The following GLCE variants were observed in gnomAD, a reference collection of about 807,000 sequenced individuals.
The protein encoded by GLCE is glucuronic acid epimerase.
In GLCE, 19 loss-of-function variants were observed where a neutral mutation model predicts 47.9. The ratio of observed to expected loss-of-function variants is 0.40; its 90% CI spans 0.28 to 0.58. The LOEUF is 0.58. Ranked by LOEUF, GLCE falls within the 20% of genes least tolerant of loss-of-function variation. The probability of loss-of-function intolerance (pLI) is 0.48; values close to 1 mark genes in which losing one functional copy is unlikely to be tolerated. For missense variants in GLCE, 556 were observed against 743.3 expected (o/e 0.75, Z 2.93); for synonymous variants, 245 against 263.4 (o/e 0.93, Z 0.68).
At chr15:69,181,990 C>A (rs535171744) in intron 1 of GLCE, among the ~76,000 whole-genome samples, 1 of 151,252 alleles carries the variant, frequency 6.6e-6, no homozygotes, top group Admixed American at 6.6e-5. Context: ...TGGGCACAGA[C>A]GTAGTTAGGT....
intron 2 of GLCE, among the ~76,000 whole-genome samples, chr15:69,233,092 C>T (rs550956215): frequency 9.9e-5 from 15 of 152,162 alleles, no homozygotes; most frequent in Non-Finnish European, 4.4e-5. Context: ...GATAGTTTCT[C>T]ATTTTCCCAG....
intron 3 of GLCE, among the ~76,000 whole-genome samples, chr15:69,259,772 A>G (rs1245083303): frequency 3.3e-5 from 5 of 152,210 alleles, no homozygotes; most frequent in African/African-American, 9.7e-5. Flanking sequence ...ATTGATAATA[A>G]TTCTATTTGA....
chr15:69,237,291 A>G (rs1047549294), intron 2 of GLCE, among the ~76,000 whole-genome samples: 2 of 152,142 alleles, frequency 1.3e-5, no homozygotes, highest in African/African-American at 4.8e-5. Flanking sequence ...CCTAATAATA[A>G]CTCATTTAAA....
intron 1 of GLCE, among the ~76,000 whole-genome samples, chr15:69,176,535 G>GT (rs1230954900): frequency 6.6e-5 from 10 of 151,360 alleles, no homozygotes; most frequent in South Asian, 2.1e-4. Context: ...GCCCATTTTT[G>GT]TTTTTTTTCC....
At chr15:69,208,909 G>A (rs531636660) in intron 1 of GLCE, among the ~76,000 whole-genome samples, 12 of 151,998 alleles carry the variant, frequency 7.9e-5, no homozygotes, top group African/African-American at 2.9e-4. Context: ...TAAATGTGAG[G>A]GTTCCAAATT....
chr15:69,268,896 C>G lies in GLCE; in HGVS notation c.1506C>G (p.Thr502=). The G allele has an allele frequency of 6.2e-7, 1 of 1,613,942 alleles. No homozygotes were observed. ...NKHDWYEEYP[T]TPSSFVLNGF... ...ATGACTGGTATGAAGAATATCCAAC[C>G]ACACCTAGCTCTTTTGTTTTAAATG... Residue 502 remains threonine (T), a synonymous_variant, in exon 5 of 5, where the codon ACC becomes ACG. Coordinates refer to ENST00000261858, the MANE Select transcript of GLCE (RefSeq NM_015554.3).
At position 69,160,653 on chromosome 15, in the gene GLCE, C is replaced by G. The variant is rs372391353; in HGVS notation, c.-209C>G. On this transcript the variant is annotated 5_prime_UTR_variant, in exon 1 of 5. Coordinates refer to ENST00000261858, the MANE Select transcript of GLCE (RefSeq NM_015554.3). The surrounding 1 kb of genome is among the most constrained non-coding windows in gnomAD (Gnocchi z 4.2). ...TCTCCTCACACAAGCGCTTCCTTGC[C>G]GAGAGGCTGGAGCTGCGGCACCGCA... The G allele has an allele frequency of 3.9e-5, 6 of 152,928 alleles. No individual in the cohort carries two copies. The highest frequency in any genetic ancestry group is 3.9e-4 in the East Asian group (2 of 5,188). The allele number at this position is 152,928 out of a possible 1,614,324, so 9.5% of individuals were successfully genotyped here. A position where few individuals can be genotyped will look rare whatever the true frequency, so the allele number is the denominator to read the frequency against.
chr15:69,213,085 AT>A (rs2052255444), intron 2 of GLCE, among the ~76,000 whole-genome samples: 1 of 152,124 alleles, frequency 6.6e-6, no homozygotes. Context: ...CTTGAAAAAA[AT>A]TTTATTTTGA....
chr15:69,163,595 G>A (rs191190049), intron 1 of GLCE, among the ~76,000 whole-genome samples: 2 of 152,282 alleles, frequency 1.3e-5, no homozygotes, highest in African/African-American at 2.4e-5. Flanking sequence ...TTGACTCTTT[G>A]TAGATGATTG....
intron 1 of GLCE, among the ~76,000 whole-genome samples, chr15:69,174,611 AAAAACAAAAC>A (rs142688156): frequency 2.6e-5 from 4 of 152,078 alleles, no homozygotes; most frequent in Admixed American, 6.5e-5. Context: ...ACTATGTCTA[AAAAACAAAAC>A]AAAACAAAAC....
chr15:69,247,743 G>A (rs2052772996), intron 2 of GLCE, among the ~76,000 whole-genome samples: 1 of 152,102 alleles, frequency 6.6e-6, no homozygotes, highest in Non-Finnish European at 1.5e-5. Context: ...GTCCATATTG[G>A]TGTGTCTCAG....
chr15:69,218,268 G>C (rs2140385300), intron 2 of GLCE, among the ~76,000 whole-genome samples: 1 of 151,970 alleles, frequency 6.6e-6, no homozygotes. Flanking sequence ...CCAGCATTTT[G>C]GGAAGCTAAG....
At chr15:69,264,374 A>G (rs1471880982) in intron 4 of GLCE, among the ~76,000 whole-genome samples, 1 of 151,944 alleles carries the variant, frequency 6.6e-6, no homozygotes, top group African/African-American at 2.4e-5. Flanking sequence ...GTGTGTGTGT[A>G]TACACACATG....
intron 2 of GLCE, among the ~76,000 whole-genome samples, chr15:69,245,992 G>T (rs2052742554): frequency 6.6e-6 from 1 of 152,120 alleles, no homozygotes; most frequent in African/African-American, 2.4e-5. Context: ...GCCTCCTAAA[G>T]TACTGGGTTT....
intron 2 of GLCE, among the ~76,000 whole-genome samples, chr15:69,221,862 C>CAA (rs35986310): frequency 2.3e-3 from 201 of 87,346 alleles, no homozygotes; most frequent in South Asian, 0.012. Context: ...GACGCTGTCT[C>CAA]AAAAAAAAAA....
At chr15:69,252,494 C>T (rs1247412316) in intron 2 of GLCE, among the ~76,000 whole-genome samples, 1 of 152,198 alleles carries the variant, frequency 6.6e-6, no homozygotes, top group Non-Finnish European at 1.5e-5. Flanking sequence ...CTAAGCCATT[C>T]AAGAGGGATG....
At chr15:69,218,140 A>T (rs1318124897) in intron 2 of GLCE, among the ~76,000 whole-genome samples, 1 of 139,976 alleles carries the variant, frequency 7.1e-6, no homozygotes, top group Non-Finnish European at 1.5e-5. Context: ...TGACAGAGCG[A>T]GACTGTCTCA....
chr15:69,174,515 C>G (rs1004699693), intron 1 of GLCE, among the ~76,000 whole-genome samples: 6 of 152,156 alleles, frequency 3.9e-5, no homozygotes, highest in Non-Finnish European at 7.3e-5. Context: ...GAGGCTGAAG[C>G]AGCAGAATCA....
At chr15:69,185,157 A>G (rs1343938543) in intron 1 of GLCE, among the ~76,000 whole-genome samples, 1 of 152,206 alleles carries the variant, frequency 6.6e-6, no homozygotes, top group African/African-American at 2.4e-5. Context: ...GTGAGTTAAA[A>G]TATGCTTCAT....
Sources: gnomAD v4.1 joint callset for allele counts (sites outside exome capture counted in the v4.1 genomes callset) on GRCh38, gnomAD v4.1.1 for gene constraint, Gnocchi (gnomAD v3.1) non-coding constraint, MANE v1.5 for transcripts, NCBI Gene and HGNC (gene_info 2026-07-23, HGNC 2026-07-21) for gene names.